WSB1: variants seen among roughly 807,000 people sequenced by gnomAD.
The protein encoded by WSB1 is WD repeat and SOCS box containing 1, also known as WD repeat and SOCS box-containing protein 1.
WSB1 carries 23 observed loss-of-function variants against 50.2 expected under a neutral mutation model. That is an observed-to-expected ratio of 0.46 (90% CI 0.33 to 0.65). The LOEUF is 0.65. Among genes scored for constraint, WSB1 ranks in the 30% least tolerant of loss-of-function variants. The pLI, the probability that WSB1 is intolerant of heterozygous loss-of-function variation, is 0.02. For synonymous variants in WSB1, 179 were observed against 172.0 expected, an observed-to-expected ratio of 1.04 and a Z score of -0.32; for missense variants, 492 against 522.3, an observed-to-expected ratio of 0.94 and a Z score of 0.56.
At chr17:27,308,956 T>C in intron 5 of WSB1, 144 bp from the exon 6 acceptor site, 2 of 1,295,304 alleles carry the variant, frequency 1.5e-6, no homozygotes, top group Non-Finnish European at 2.0e-6. Flanking sequence ...AATCTGACTA[T>C]GACACTGAGC....
At chr17:27,304,643 T>G in intron 3 of WSB1, 137 bp from the exon 4 acceptor site, 1 of 636,672 alleles carries the variant, frequency 1.6e-6, no homozygotes, top group Non-Finnish European at 2.4e-6. Context: ...ACCCAGGAGG[T>G]CGAGGCTGTA....
intron 6 of WSB1, among the ~76,000 whole-genome samples, 193 bp from the exon 7 acceptor site, chr17:27,309,868 A>T (rs2017604097): frequency 6.6e-6 from 1 of 152,208 alleles, no homozygotes; most frequent in African/African-American, 2.4e-5. Flanking sequence ...GGCATGAGCC[A>T]CTGCGCCCGA....
intron 5 of WSB1, 196 bp downstream of exon 5, chr17:27,307,078 G>T: frequency 8.8e-6 from 5 of 565,056 alleles, no homozygotes; most frequent in East Asian, 3.2e-5. Flanking sequence ...AAGTTGGATT[G>T]TTTTTAGAGA....
intron 5 of WSB1, chr17:27,308,499 G>A (rs952451981): frequency 2.3e-5 from 23 of 985,392 alleles, no homozygotes; most frequent in Non-Finnish European, 2.4e-5. Context: ...TCATAAAATA[G>A]CATTTTCATT....
intron 7 of WSB1, among the ~76,000 whole-genome samples, chr17:27,310,427 C>T (rs942390039): frequency 1.5e-5 from 2 of 136,880 alleles, no homozygotes; most frequent in Non-Finnish European, 1.7e-5. Context: ...TTTAGCCCAG[C>T]TTACAGAGAT....
chr17:27,303,217 C>A (rs1228852761), intron 2 of WSB1, 150 bp from the exon 3 acceptor site: 1 of 849,832 alleles, frequency 1.2e-6, no homozygotes, highest in Non-Finnish European at 1.7e-6. Flanking sequence ...AAATATCAAC[C>A]TTTCCCTTCC....
intron 4 of WSB1, 33 bp from the exon 5 acceptor site, chr17:27,306,748 CT>C (rs1218347252): frequency 6.3e-7 from 1 of 1,599,584 alleles, no homozygotes; most frequent in Non-Finnish European, 8.6e-7. Flanking sequence ...GAAGTGGATT[CT>C]AGGGTTAATA....
chr17:27,312,655 C>G lies in WSB1; in HGVS notation c.*286C>G. Reference sequence around the variant, plus strand: ...GCTATATGTTGAATGGACCCTTTTGCTTTTCTGATTTTTAGTTCTGACATG... The same window carrying G: ...GCTATATGTTGAATGGACCCTTTTGGTTTTCTGATTTTTAGTTCTGACATG... On this transcript the variant is annotated 3_prime_UTR_variant, in exon 9 of 9. Transcript: ENST00000262394. The G allele has an allele frequency of 3.6e-6, 1 of 280,838 alleles. No individual in the cohort carries two copies. The highest frequency in any genetic ancestry group is 5.4e-5 in the South Asian group (1 of 18,564). The allele number at this position is 280,838 out of a possible 1,614,324, so 17.4% of individuals were successfully genotyped here. A position where few individuals can be genotyped will look rare whatever the true frequency, so the allele number is the denominator to read the frequency against.
chr17:27,300,917 C>G (rs2017201496), intron 1 of WSB1, among the ~76,000 whole-genome samples: 1 of 151,778 alleles, frequency 6.6e-6, no homozygotes, highest in African/African-American at 2.4e-5. Flanking sequence ...GAGTCTCACT[C>G]TGTCGCCCAG....
chr17:27,303,866 G>T, intron 3 of WSB1: 1 of 457,450 alleles, frequency 2.2e-6, no homozygotes, highest in Non-Finnish European at 3.8e-6. Flanking sequence ...ATTACAGTAG[G>T]AAAGGGTTTT....
chr17:27,310,597 G>GT (rs2017640463), intron 7 of WSB1, among the ~76,000 whole-genome samples: 1 of 152,222 alleles, frequency 6.6e-6, no homozygotes, highest in Admixed American at 6.5e-5. Flanking sequence ...CTGCTTGTTG[G>GT]TAAGAAGCAG....
In WSB1 at chr17:27,312,407, T is replaced by TA; in HGVS notation, c.*39dup. 2 of 1,603,182 alleles carry TA rather than the reference T, an allele frequency of 1.2e-6. No individual in the cohort carries two copies. The highest frequency in any genetic ancestry group is 2.2e-5 in the South Asian group (2 of 89,034). ...TCCCTAGTAGTAGGGACTGACAGAATACACTTAACACAAACCTCAAGCTTT... is the reference window on the plus strand; with the variant it reads ...TCCCTAGTAGTAGGGACTGACAGAATAACACTTAACACAAACCTCAAGCTTT... On this transcript the variant is annotated 3_prime_UTR_variant, in exon 9 of 9. Transcript: ENST00000262394.
At position 27,312,267 on chromosome 17, in the gene WSB1, A is replaced by G. The variant is rs2017714529; in HGVS notation, c.1164A>G (p.Gln388=). Reference sequence around the variant, plus strand: ...CTCCACGGCAGGTCCCTAGCCTGCAACATTTATGTCGCATGTCAATCCGAA... The same window carrying G: ...CTCCACGGCAGGTCCCTAGCCTGCAGCATTTATGTCGCATGTCAATCCGAA... The part of the protein sequence containing the change: ...WATPRQVPSL[Q]HLCRMSIRRV... Residue 388 remains glutamine (Q), a synonymous_variant, in exon 9 of 9, where the codon CAA becomes CAG. Transcript: ENST00000262394. 1 of 1,614,070 alleles carries G rather than the reference A, an allele frequency of 6.2e-7. No homozygotes were observed. Among genetic ancestry groups the G allele is most frequent in the African/African-American group, 1.3e-5 (1 of 74,932 alleles).
chr17:27,308,894 C>A, intron 5 of WSB1: 1 of 1,189,614 alleles, frequency 8.4e-7, no homozygotes, highest in Non-Finnish European at 1.0e-6. Flanking sequence ...TTAACAGAAA[C>A]ATTTGAAATA....
Position 27,314,119 on chromosome 17 carries a change from T to C in WSB1, c.*1750T>C, listed in dbSNP as rs2017786569. On this transcript the variant is annotated 3_prime_UTR_variant, in exon 9 of 9. Transcript: ENST00000262394. ...AAGGAATGTAAAAATTTATAGGGGG[T>C]GTAGGGTTATCAATTTGAAAGCCAG... 1.3e-5 allele frequency: 2 copies of C among 151,996 alleles called. No individual in the cohort carries two copies. The highest frequency in any genetic ancestry group is 1.3e-4 in the Admixed American group (2 of 15,254). 9.4% of individuals were successfully genotyped at this position (151,996 alleles called of 1,614,324 possible).
Position 27,306,845 on chromosome 17 carries a change from ACTCTT to A in WSB1, c.677_681del (p.Ser226TyrfsTer9). 1 of 1,613,946 alleles carries A rather than the reference ACTCTT, an allele frequency of 6.2e-7. No individual in the cohort carries two copies. Among genetic ancestry groups the A allele is most frequent in the Non-Finnish European group, 8.5e-7 (1 of 1,180,004 alleles). On this transcript the variant is annotated frameshift_variant, in exon 5 of 9. Coordinates refer to ENST00000262394, the MANE Select transcript of WSB1 (RefSeq NM_015626.10). LOFTEE classifies it high-confidence loss of function. ...GTGTACAGCTGTGCATTCTCTCCTGACTCTTCTATGCTGTGTTCAGTCGGAGCCAG... is the reference window on the plus strand; with the variant it reads ...GTGTACAGCTGTGCATTCTCTCCTGACTATGCTGTGTTCAGTCGGAGCCAG...
At chr17:27,311,217 G>A (rs1441247252) in intron 7 of WSB1, among the ~76,000 whole-genome samples, 1 of 152,208 alleles carries the variant, frequency 6.6e-6, no homozygotes, top group Non-Finnish European at 1.5e-5. Context: ...GTAAGTGTAG[G>A]AAAGTAAGGA....
intron 3 of WSB1, 81 bp downstream of exon 3, chr17:27,303,716 A>T (rs1446432188): frequency 5.9e-6 from 9 of 1,519,112 alleles, no homozygotes; most frequent in Non-Finnish European, 1.8e-6. Flanking sequence ...TTGGGATTTG[A>T]GGATTTCAGC....
intron 4 of WSB1, 120 bp downstream of exon 4, chr17:27,305,031 C>G: frequency 1.6e-6 from 2 of 1,284,266 alleles, no homozygotes. Flanking sequence ...TTCCTTTTCT[C>G]TGCCTTAACA....
Sources: gnomAD v4.1 joint callset for allele counts (sites outside exome capture counted in the v4.1 genomes callset) on GRCh38, gnomAD v4.1.1 for gene constraint, MANE v1.5 for transcripts, NCBI Gene and HGNC (gene_info 2026-07-23, HGNC 2026-07-21) for gene names.